Variants in MAPKBP1 observed in about 807,000 individuals in gnomAD.
The protein encoded by MAPKBP1 is mitogen-activated protein kinase binding protein 1, also known as mitogen-activated protein kinase-binding protein 1.
In MAPKBP1, 71 loss-of-function variants were observed where a neutral mutation model predicts 170.5. That is an observed-to-expected ratio of 0.42 (90% CI 0.34 to 0.51). MAPKBP1 has a LOEUF of 0.51. MAPKBP1 is among the 20% of genes least tolerant of loss of function. The probability of loss-of-function intolerance (pLI) is 0.06; values close to 1 mark genes in which losing one functional copy is unlikely to be tolerated. For missense variants in MAPKBP1, 1,598 were observed against 1,933.0 expected (o/e 0.83, Z 3.25); for synonymous variants, 719 against 757.9 (o/e 0.95, Z 0.84).
Position 41,817,809 on chromosome 15 carries a change from C to A in MAPKBP1, c.1904+74C>A. On this transcript the variant is annotated intron_variant, in intron 16 of 30. Coordinates refer to ENST00000457542, the MANE Select transcript of MAPKBP1 (RefSeq NM_014994.3). The surrounding 1 kb of genome is among the most constrained non-coding windows in gnomAD (Gnocchi z 4.2). ...GGGGTCAGCTCTGTGCAGCTAAGTT[C>A]CCACATCTGTCGTTCTGTACAGGAC... 6.3e-7 allele frequency: 1 copy of A among 1,591,516 alleles called. No individual in the cohort carries two copies. The highest frequency in any genetic ancestry group is 1.1e-5 in the South Asian group (1 of 88,756).
intron 8 of MAPKBP1, chr15:41,813,399 A>G (rs377377768): frequency 6.6e-6 from 10 of 1,513,616 alleles, no homozygotes; most frequent in Non-Finnish European, 9.2e-6. Flanking sequence ...CTTTCTCTTC[A>G]CTGGGCTTTT....
chr15:41,782,193 C>T (rs936257469), intron 2 of MAPKBP1, among the ~76,000 whole-genome samples: 27 of 144,350 alleles, frequency 1.9e-4, no homozygotes, highest in African/African-American at 6.4e-4. Context: ...ACTCGGGATG[C>T]GGAGCTTGCA....
chr15:41,822,249 G>T lies in MAPKBP1; in HGVS notation c.3056G>T (p.Ser1019Ile), dbSNP rs747251704. Reference sequence around the variant, plus strand: ...GACTCTGAGAGCACGGAGCCCCTCAGTGTGGATGGCATCTCCTCAGACCTT... The same window carrying T: ...GACTCTGAGAGCACGGAGCCCCTCATTGTGGATGGCATCTCCTCAGACCTT... ...TEDSESTEPL[S>I]VDGISSDLEE... The change falls in exon 26 of 31, where the codon AGT becomes ATT. Residue 1019 changes from serine (S) to isoleucine (I), a missense_variant. Physicochemically the swap from Ser to Ile is moderately radical, Grantham distance 142. Around this residue, in one of 6 missense-constraint regions of MAPKBP1, gnomAD observed 942 missense variants for 953.2 expected, o/e 0.99. Coordinates refer to ENST00000457542, the MANE Select transcript of MAPKBP1 (RefSeq NM_014994.3). The T allele has an allele frequency of 6.8e-6, 11 of 1,613,834 alleles. No individual in the cohort carries two copies. The highest frequency in any genetic ancestry group is 9.3e-6 in the Non-Finnish European group (11 of 1,179,938).
intron 2 of MAPKBP1, among the ~76,000 whole-genome samples, chr15:41,791,342 C>A (rs1006929427): frequency 1.3e-5 from 2 of 152,156 alleles, no homozygotes; most frequent in African/African-American, 4.8e-5. Context: ...GTGACTCTGG[C>A]CTCTTAGTTC....
Position 41,825,503 on chromosome 15 carries a change from C to A in MAPKBP1, c.*67C>A. On this transcript the variant is annotated 3_prime_UTR_variant, in exon 31 of 31. Coordinates refer to ENST00000457542, the MANE Select transcript of MAPKBP1 (RefSeq NM_014994.3). ...TCCAAACTGCAGCCCCTCTGCCCCT[C>A]ACCAAAACCTGCGGGGCTGCTTGGA... is the stretch of plus-strand genomic sequence containing the variant. 1 of 1,403,172 alleles carries A rather than the reference C, an allele frequency of 7.1e-7. No homozygotes were observed. The allele number at this position is 1,403,172 out of a possible 1,614,324, so 86.9% of individuals were successfully genotyped here. A position where few individuals can be genotyped will look rare whatever the true frequency, so the allele number is the denominator to read the frequency against.
chr15:41,824,653 C>T, intron 30 of MAPKBP1, 84 bp downstream of exon 30: 3 of 1,311,052 alleles, frequency 2.3e-6, no homozygotes, highest in Non-Finnish European at 3.2e-6. Flanking sequence ...GAACAGTATG[C>T]TAAGCCTCTT....
Position 41,824,045 on chromosome 15 carries a change from C to T in MAPKBP1, c.4197C>T (p.Ala1399=). 1.2e-6 allele frequency: 2 copies of T among 1,604,370 alleles called. No homozygotes were observed. The highest frequency in any genetic ancestry group is 1.7e-6 in the Non-Finnish European group (2 of 1,178,858). Residue 1399 remains alanine (A), a synonymous_variant, in exon 29 of 31, where the codon GCC becomes GCT. Coordinates refer to ENST00000457542, the MANE Select transcript of MAPKBP1 (RefSeq NM_014994.3). ...NPMECTKPGA[A]LSQDSEPAVS... Reference sequence around the variant, plus strand: ...TGGAATGCACCAAGCCAGGGGCAGCCCTGAGCCAGGACTCAGGTGTGCACA... The same window carrying T: ...TGGAATGCACCAAGCCAGGGGCAGCTCTGAGCCAGGACTCAGGTGTGCACA...
chr15:41,816,351 G>T, intron 12 of MAPKBP1: 1 of 554,560 alleles, frequency 1.8e-6, no homozygotes, highest in African/African-American at 1.9e-5. Context: ...TCCTAGTTTT[G>T]ATAATTGCAC....
intron 3 of MAPKBP1, among the ~76,000 whole-genome samples, chr15:41,802,559 T>C (rs1454686274): frequency 6.6e-6 from 1 of 152,184 alleles, no homozygotes; most frequent in Non-Finnish European, 1.5e-5. Context: ...CTGCAACCTC[T>C]GCCTCCTGGG....
intron 3 of MAPKBP1, among the ~76,000 whole-genome samples, chr15:41,804,738 C>T (rs1254604571): frequency 6.6e-6 from 1 of 152,242 alleles, no homozygotes; most frequent in African/African-American, 2.4e-5. Context: ...CCTGATGGAA[C>T]CTCTAGTAGG....
intron 3 of MAPKBP1, among the ~76,000 whole-genome samples, chr15:41,806,715 T>C (rs917908497): frequency 1.3e-5 from 2 of 152,204 alleles, no homozygotes; most frequent in Non-Finnish European, 2.9e-5. Flanking sequence ...AACCCAGCCC[T>C]TGGCATGTGG....
At chr15:41,789,501 T>A (rs1028715078) in intron 2 of MAPKBP1, among the ~76,000 whole-genome samples, 12 of 152,156 alleles carry the variant, frequency 7.9e-5, no homozygotes, top group Non-Finnish European at 1.3e-4. Context: ...TCATTCCCTC[T>A]CCCTCTAGTC....
chr15:41,783,239 T>C (rs1434343899), intron 2 of MAPKBP1, among the ~76,000 whole-genome samples: 1 of 152,188 alleles, frequency 6.6e-6, no homozygotes, highest in African/African-American at 2.4e-5. Context: ...CTTTCAGGTC[T>C]CTCCCTGTTT....
intron 2 of MAPKBP1, among the ~76,000 whole-genome samples, chr15:41,797,124 T>C (rs2064505019): frequency 6.6e-6 from 1 of 152,208 alleles, no homozygotes; most frequent in Non-Finnish European, 1.5e-5. Flanking sequence ...TCCTTCTTGC[T>C]TTAGAGAATT....
chr15:41,822,722 G>T, intron 27 of MAPKBP1, 45 bp downstream of exon 27: 1 of 1,599,150 alleles, frequency 6.3e-7, no homozygotes. Context: ...GGCTCTCCTC[G>T]CCTCCCAGGG....
intron 3 of MAPKBP1, among the ~76,000 whole-genome samples, chr15:41,808,318 G>A (rs1193266394): frequency 6.8e-6 from 1 of 147,636 alleles, no homozygotes; most frequent in African/African-American, 2.5e-5. Context: ...TGTTGGCCAG[G>A]ATGGTCTCGA....
chr15:41,776,694 T>G (rs1296541173), intron 2 of MAPKBP1, among the ~76,000 whole-genome samples: 1 of 152,212 alleles, frequency 6.6e-6, no homozygotes, highest in African/African-American at 2.4e-5. Context: ...TTCTCCAATC[T>G]TTGGCCTCTT....
chr15:41,814,316 T>A (rs1237808998), intron 9 of MAPKBP1, among the ~76,000 whole-genome samples: 1 of 152,178 alleles, frequency 6.6e-6, no homozygotes, highest in Non-Finnish European at 1.5e-5. Context: ...AGAAGTACCT[T>A]GTCTAACGTT....
chr15:41,814,974 G>A (rs1184191805), intron 10 of MAPKBP1, among the ~76,000 whole-genome samples: 1 of 152,152 alleles, frequency 6.6e-6, no homozygotes, highest in Admixed American at 6.5e-5. Context: ...ATTTGACCAA[G>A]CCTCAGTTTC....
Sources: gnomAD v4.1 joint callset for allele counts (sites outside exome capture counted in the v4.1 genomes callset) on GRCh38, gnomAD v4.1.1 for gene constraint, gnomAD v4.1.1 regional missense constraint, Gnocchi (gnomAD v3.1) non-coding constraint, MANE v1.5 for transcripts, NCBI Gene and HGNC (gene_info 2026-07-23, HGNC 2026-07-21) for gene names.